The following PTPRD variants were observed in gnomAD, a reference collection of about 807,000 sequenced individuals.
PTPRD encodes the protein receptor-type tyrosine-protein phosphatase delta.
In PTPRD, 34 loss-of-function variants were observed where a neutral mutation model predicts 214.5. The observed-to-expected ratio is 0.16, with a 90% CI of 0.12 to 0.21. PTPRD has a LOEUF of 0.21. Ranked by LOEUF, PTPRD falls within the 10% of genes least tolerant of loss-of-function variation. The pLI, the probability that PTPRD is intolerant of heterozygous loss-of-function variation, is 1.00. For missense variants in PTPRD, 2,545 were observed against 2,398.7 expected (o/e 1.06, Z -1.27); for synonymous variants, 1,128 against 845.7 (o/e 1.33, Z -5.79).
intron 11 of PTPRD, among the ~76,000 whole-genome samples, chr9:8,738,923 A>G (rs1010642767): frequency 6.6e-6 from 1 of 152,194 alleles, no homozygotes; most frequent in Non-Finnish European, 1.5e-5. Context: ...CTGAACATAC[A>G]TGCATAAAAG....
intron 10 of PTPRD, among the ~76,000 whole-genome samples, chr9:9,077,749 G>A (rs975087561): frequency 3.9e-5 from 6 of 151,970 alleles, no homozygotes; most frequent in African/African-American, 1.5e-4. Context: ...ACACAGCTAT[G>A]CCTACCTATA....
intron 5 of PTPRD, among the ~76,000 whole-genome samples, chr9:9,932,361 C>A (rs867601256): frequency 7.1e-6 from 1 of 141,662 alleles, no homozygotes; most frequent in Non-Finnish European, 1.5e-5. Context: ...ACTAGAATAA[C>A]CAATACAGAG....
chr9:10,258,124 A>G (rs759463381), intron 3 of PTPRD, among the ~76,000 whole-genome samples: 11 of 152,188 alleles, frequency 7.2e-5, no homozygotes, highest in Non-Finnish European at 1.3e-4. Flanking sequence ...GGTCTTCCAA[A>G]GATTGGATGT....
chr9:9,608,213 G>A (rs905539623), intron 7 of PTPRD, among the ~76,000 whole-genome samples: 1 of 152,152 alleles, frequency 6.6e-6, no homozygotes, highest in African/African-American at 2.4e-5. Flanking sequence ...TCCTGACATG[G>A]TGCTTTCAAG....
chr9:10,109,621 T>C (rs957986301), intron 3 of PTPRD, among the ~76,000 whole-genome samples: 4 of 152,202 alleles, frequency 2.6e-5, no homozygotes, highest in Non-Finnish European at 5.9e-5. Flanking sequence ...ACTATTATTA[T>C]GTTCATCTTC....
intron 11 of PTPRD, among the ~76,000 whole-genome samples, chr9:8,747,970 G>C (rs1357798809): frequency 6.6e-6 from 1 of 152,078 alleles, no homozygotes. Flanking sequence ...TAATATATAT[G>C]GTTCTTCAAA....
chr9:9,460,255 GA>G (rs1173673386), intron 8 of PTPRD, among the ~76,000 whole-genome samples: 1 of 151,974 alleles, frequency 6.6e-6, no homozygotes, highest in African/African-American at 2.4e-5. Flanking sequence ...TAAAACTTAG[GA>G]AAAACTCTTC....
chr9:8,408,914 A>G (rs1042827919), intron 35 of PTPRD, among the ~76,000 whole-genome samples: 15 of 152,228 alleles, frequency 9.9e-5, no homozygotes, highest in Non-Finnish European at 1.6e-4. Flanking sequence ...AGTCTCAAGC[A>G]GATACTTGCT....
intron 33 of PTPRD, among the ~76,000 whole-genome samples, chr9:8,458,164 G>T (rs1240330143): frequency 6.6e-6 from 1 of 152,070 alleles, no homozygotes; most frequent in Non-Finnish European, 1.5e-5. Flanking sequence ...ACACTAAAAT[G>T]CTACTCTATT....
At chr9:9,573,237 C>T (rs1319210431) in intron 8 of PTPRD, among the ~76,000 whole-genome samples, 2 of 151,258 alleles carry the variant, frequency 1.3e-5, no homozygotes, top group Non-Finnish European at 3.0e-5. Context: ...AAAGCAATAC[C>T]TACTGTATGA....
chr9:10,565,550 C>T (rs2065334641), intron 2 of PTPRD, among the ~76,000 whole-genome samples: 1 of 151,930 alleles, frequency 6.6e-6, no homozygotes, highest in East Asian at 1.9e-4. Flanking sequence ...ATAGTAAGTA[C>T]TGCAAAATTT....
intron 11 of PTPRD, among the ~76,000 whole-genome samples, chr9:8,935,411 G>T (rs544523951): frequency 9.9e-4 from 50 of 50,612 alleles, no homozygotes; most frequent in African/African-American, 3.9e-3. Context: ...CCAGTGAATC[G>T]AAAGATCTGT....
chr9:9,046,538 T>C (rs1450261884), intron 10 of PTPRD, among the ~76,000 whole-genome samples: 2 of 152,228 alleles, frequency 1.3e-5, no homozygotes, highest in African/African-American at 2.4e-5. Context: ...CACATTTTGT[T>C]ACTAACGTCT....
At chr9:9,518,183 C>T (rs2096881553) in intron 8 of PTPRD, among the ~76,000 whole-genome samples, 1 of 152,100 alleles carries the variant, frequency 6.6e-6, no homozygotes. Flanking sequence ...GTGGTAAATT[C>T]AGGATCAACT....
chr9:10,577,357 T>C (rs909229078), intron 2 of PTPRD, among the ~76,000 whole-genome samples: 5 of 152,332 alleles, frequency 3.3e-5, no homozygotes, highest in South Asian at 4.1e-4. Context: ...TGCTGAGCTA[T>C]TGATCATTCA....
chr9:9,011,255 T>C (rs1264403736), intron 11 of PTPRD, among the ~76,000 whole-genome samples: 1 of 152,126 alleles, frequency 6.6e-6, no homozygotes, highest in Non-Finnish European at 1.5e-5. Context: ...AACACTCTCT[T>C]TTTTGGGGGA....
At chr9:10,141,029 G>C (rs1231653982) in intron 3 of PTPRD, among the ~76,000 whole-genome samples, 1 of 151,862 alleles carries the variant, frequency 6.6e-6, no homozygotes, top group African/African-American at 2.4e-5. Context: ...TGCAGAAAAG[G>C]CCTTTGACAA....
chr9:9,415,793 A>T (rs543556070), intron 8 of PTPRD, among the ~76,000 whole-genome samples: 1 of 152,322 alleles, frequency 6.6e-6, no homozygotes, highest in South Asian at 2.1e-4. Flanking sequence ...GAAGTGAAAG[A>T]TACAAGTGTT....
At chr9:9,163,017 G>T (rs973394458) in intron 10 of PTPRD, among the ~76,000 whole-genome samples, 1 of 151,822 alleles carries the variant, frequency 6.6e-6, no homozygotes, top group Non-Finnish European at 1.5e-5. Context: ...GCCTCCTTCC[G>T]CACCAGCTTC....
Sources: allele counts gnomAD v4.1 joint callset (sites outside exome capture counted in the v4.1 genomes callset), GRCh38; gene constraint gnomAD v4.1.1; transcripts MANE v1.5; gene names NCBI Gene and HGNC (gene_info 2026-07-23, HGNC 2026-07-21).